UBE2O: variants seen among roughly 807,000 people sequenced by gnomAD.
UBE2O encodes ubiquitin conjugating enzyme E2 O.
Under a neutral mutation model 125.8 loss-of-function variants are expected in UBE2O, and 15 were observed. The ratio of observed to expected loss-of-function variants is 0.12; its 90% CI spans 0.08 to 0.18. The LOEUF is 0.18. UBE2O is among the 10% of genes least tolerant of loss of function. The pLI is 1.00. For missense variants in UBE2O, 1,280 were observed against 1,723.6 expected, an observed-to-expected ratio of 0.74 and a Z score of 4.56; for synonymous variants, 708 against 703.2, an observed-to-expected ratio of 1.01 and a Z score of -0.11.
In UBE2O at chr17:76,389,537, G is replaced by GT. The variant is rs2072064736; in HGVS notation, c.*1405dup. On this transcript the variant is annotated 3_prime_UTR_variant, in exon 18 of 18. Coordinates refer to ENST00000319380, the MANE Select transcript of UBE2O (RefSeq NM_022066.4). ...AAAAAAAAAAAAAAAAAAAATGCAA[G>GT]TAAAAAAAAGTTTAATCACACAGCA... is the stretch of plus-strand genomic sequence containing the variant. The GT allele has an allele frequency of 1.4e-5, 2 of 143,550 alleles. No homozygotes were observed. Among genetic ancestry groups the GT allele is most frequent in the Admixed American group, 6.9e-5 (1 of 14,442 alleles). 8.9% of individuals were successfully genotyped at this position (143,550 alleles called of 1,614,324 possible).
chr17:76,391,372 G>T lies in UBE2O; in HGVS notation c.3450C>A (p.Ala1150=), dbSNP rs752633351. 9.3e-6 allele frequency: 15 copies of T among 1,613,302 alleles called. No individual in the cohort carries two copies. The East Asian group carries it at 3.3e-4, about 36-fold the overall frequency. ...GCAGTGCCTGGGCCTTCTCCAGCAG[G>T]GCATGGGTTTCCAGCCAGGACTCGA... ...NRIESWLETH[A]LLEKAQALPN... Residue 1150 remains alanine (A), a synonymous_variant, in exon 18 of 18, where the codon GCC becomes GCA. Coordinates refer to ENST00000319380, the MANE Select transcript of UBE2O (RefSeq NM_022066.4). The surrounding 1 kb of genome is among the most constrained non-coding windows in gnomAD (Gnocchi z 8.4).
At chr17:76,419,528 C>A (rs73359804) in intron 1 of UBE2O, among the ~76,000 whole-genome samples, 151 of 152,254 alleles carry the variant, frequency 9.9e-4, no homozygotes, top group African/African-American at 3.6e-3. Flanking sequence ...CACTCCCTGA[C>A]ACACCCTTCC....
intron 1 of UBE2O, among the ~76,000 whole-genome samples, chr17:76,418,539 C>G (rs886192721): frequency 6.6e-6 from 1 of 152,130 alleles, no homozygotes; most frequent in African/African-American, 2.4e-5. Flanking sequence ...AATGGAGCAG[C>G]CTCCACAGGT....
chr17:76,426,747 G>C (rs1379496731), intron 1 of UBE2O, among the ~76,000 whole-genome samples: 3 of 152,044 alleles, frequency 2.0e-5, no homozygotes, highest in Non-Finnish European at 4.4e-5. Flanking sequence ...TTGGGACTTT[G>C]GTTTTTAATC....
intron 1 of UBE2O, among the ~76,000 whole-genome samples, chr17:76,420,629 G>A (rs74984887): frequency 0.017 from 2,533 of 152,250 alleles, 67 homozygotes; most frequent in African/African-American, 0.057. Flanking sequence ...ACATCTTTGC[G>A]AGACAAACTG....
Position 76,392,110 on chromosome 17 carries a change from G to T in UBE2O, c.2950C>A (p.Leu984Ile). 6.6e-7 allele frequency: 1 copy of T among 1,504,018 alleles called. No individual in the cohort carries two copies. Among genetic ancestry groups the T allele is most frequent in the South Asian group, 1.4e-5 (1 of 72,872 alleles). 93.2% of individuals were successfully genotyped at this position (1,504,018 alleles called of 1,614,324 possible). ...GGGCCCTTGATGAGAGCTGAGAAGA[G>T]GTCCTAGGTAGGGAGGGAGGGAGGG... ...MVKTFEDRMD[L>I]FSALIKGPTR... Residue 984 changes from leucine (L) to isoleucine (I), a missense_variant, in exon 16 of 18, where the codon CTC becomes ATC. Physicochemically the swap from Leu to Ile is conservative, Grantham distance 5 (BLOSUM62 2). Around this residue, in one of 10 missense-constraint regions of UBE2O, gnomAD observed 116 missense variants for 154.8 expected, o/e 0.75. Transcript: ENST00000319380.
rs750978218 is a variant in UBE2O at position 76,405,172 on chromosome 17, C to T, written c.588+34G>A. On this transcript the variant is annotated intron_variant, in intron 3 of 17. Coordinates refer to ENST00000319380, the MANE Select transcript of UBE2O (RefSeq NM_022066.4). The surrounding 1 kb of genome is among the most constrained non-coding windows in gnomAD (Gnocchi z 6.1). ...GTGCCGCCGAGAGAACCAGAGGGCC[C>T]AGAAAGGATGATGAGAAGACAGGGC... The T allele has an allele frequency of 6.5e-7, 1 of 1,526,956 alleles. No homozygotes were observed. Among genetic ancestry groups the T allele is most frequent in the Non-Finnish European group, 9.0e-7 (1 of 1,112,094 alleles). The allele number at this position is 1,526,956 out of a possible 1,614,324, so 94.6% of individuals were successfully genotyped here.
At position 76,411,161 on chromosome 17, in the gene UBE2O, G is replaced by A. The variant is rs1050289353; in HGVS notation, c.418-5589C>T. Among the ~76,000 whole-genome samples the A allele has an allele frequency of 2.6e-5, 4 of 152,096 alleles. No individual in the cohort carries two copies. In the East Asian group the frequency reaches 5.8e-4, roughly 22 times the overall value. ...TGAATAGCTGGGACTACAGGCGTAC[G>A]CCACCATGCTTGGCTAATTTTTGTA... On this transcript the variant is annotated intron_variant, in intron 1 of 17. Transcript: ENST00000319380.
At chr17:76,397,698 C>A in intron 13 of UBE2O, 101 bp downstream of exon 13, 3 of 1,161,318 alleles carry the variant, frequency 2.6e-6, no homozygotes, top group Admixed American at 1.7e-5. Flanking sequence ...GAGATCTCAC[C>A]AGGAAGACCT....
intron 15 of UBE2O, among the ~76,000 whole-genome samples, chr17:76,393,894 C>T (rs1213035926): frequency 6.6e-6 from 1 of 152,226 alleles, no homozygotes; most frequent in Non-Finnish European, 1.5e-5. Flanking sequence ...TCTGCACATG[C>T]TCTTATCGGT....
chr17:76,409,833 T>C (rs2072487024), intron 1 of UBE2O, among the ~76,000 whole-genome samples: 1 of 152,136 alleles, frequency 6.6e-6, no homozygotes, highest in South Asian at 2.1e-4. Flanking sequence ...TTCTGGCACA[T>C]GCTAAGCGCC....
At chr17:76,425,151 G>A (rs533778890) in intron 1 of UBE2O, among the ~76,000 whole-genome samples, 8 of 148,752 alleles carry the variant, frequency 5.4e-5, no homozygotes, top group South Asian at 2.1e-4. Flanking sequence ...GATTACAGGC[G>A]TGAGCCACCG....
chr17:76,407,506 A>AG (rs1239662412), intron 1 of UBE2O, among the ~76,000 whole-genome samples: 2 of 152,176 alleles, frequency 1.3e-5, no homozygotes, highest in East Asian at 1.9e-4. Context: ...ATCCAATGCA[A>AG]GGGGGGCTGC....
Position 76,395,407 on chromosome 17 carries a change from T to C in UBE2O, c.2946+318A>G. The C allele has an allele frequency of 5.1e-6, 1 of 197,578 alleles. No individual in the cohort carries two copies. The highest frequency in any genetic ancestry group is 1.0e-5 in the Non-Finnish European group (1 of 98,366). 12.2% of individuals were successfully genotyped at this position (197,578 alleles called of 1,614,324 possible). ...CGGGGTTTCACTGTGTTAGCCAGGA[T>C]GGTCTCGATCTCCTGACCTCGTGAT... On this transcript the variant is annotated intron_variant, in intron 15 of 17. Coordinates refer to ENST00000319380, the MANE Select transcript of UBE2O (RefSeq NM_022066.4). The surrounding 1 kb of genome is among the most constrained non-coding windows in gnomAD (Gnocchi z 5.0).
At chr17:76,409,750 A>G (rs2072485629) in intron 1 of UBE2O, among the ~76,000 whole-genome samples, 1 of 152,228 alleles carries the variant, frequency 6.6e-6, no homozygotes, top group Non-Finnish European at 1.5e-5. Flanking sequence ...AGTGGAACCC[A>G]GGACCGACAT....
intron 1 of UBE2O, among the ~76,000 whole-genome samples, chr17:76,429,733 G>A (rs929327785): frequency 6.6e-6 from 1 of 152,050 alleles, no homozygotes; most frequent in South Asian, 2.1e-4. Context: ...ATTTTTTCCA[G>A]ACTGGAATCC....
chr17:76,436,254 A>G (rs1251209284), intron 1 of UBE2O, among the ~76,000 whole-genome samples: 1 of 152,094 alleles, frequency 6.6e-6, no homozygotes, highest in African/African-American at 2.4e-5. Flanking sequence ...CTCAAAAATT[A>G]ATTAATTTAT....
intron 1 of UBE2O, among the ~76,000 whole-genome samples, chr17:76,431,504 CA>C (rs201937397): frequency 9.3e-5 from 14 of 150,566 alleles, no homozygotes; most frequent in Admixed American, 5.3e-4. Context: ...TGCTCTGTCT[CA>C]AAAAAAAAGT....
In UBE2O at chr17:76,452,776, C is replaced by A; in HGVS notation, c.366G>T (p.Val122=). ...CGCCCTCCGGGTACCACTGGACGCG[C>A]ACGTAGCCGCGGCGCAGGGGGCTGG... ...GRASPLRRGY[V]RVQWYPEGVK... The change falls in exon 1 of 18, where the codon GTG becomes GTT. Residue 122 remains valine, a synonymous_variant. Transcript: ENST00000319380. The surrounding 1 kb of genome is among the most constrained non-coding windows in gnomAD (Gnocchi z 4.4). The A allele has an allele frequency of 6.6e-7, 1 of 1,521,982 alleles. No individual in the cohort carries two copies. The highest frequency in any genetic ancestry group is 8.8e-7 in the Non-Finnish European group (1 of 1,142,456). 94.3% of individuals were successfully genotyped at this position (1,521,982 alleles called of 1,614,324 possible). A position where few individuals can be genotyped will look rare whatever the true frequency, so the allele number is the denominator to read the frequency against.
Sources: allele counts gnomAD v4.1 joint callset (sites outside exome capture counted in the v4.1 genomes callset), GRCh38; gene constraint gnomAD v4.1.1; regional missense constraint gnomAD v4.1.1; non-coding constraint Gnocchi (gnomAD v3.1); transcripts MANE v1.5; gene names NCBI Gene and HGNC (gene_info 2026-07-23, HGNC 2026-07-21).